The following PKP2 variants were observed in gnomAD, a reference collection of about 807,000 sequenced individuals.
PKP2 encodes plakophilin 2.
PKP2 carries 73 observed loss-of-function variants against 83.4 expected under a neutral mutation model. The ratio of observed to expected loss-of-function variants is 0.88; its 90% CI spans 0.72 to 1.06. The LOEUF is 1.06. Ranked by LOEUF, PKP2 falls within the 50% of genes least tolerant of loss-of-function variation. The pLI, the probability that PKP2 is intolerant of heterozygous loss-of-function variation, is 0.00. For synonymous variants in PKP2, 409 were observed against 430.4 expected (o/e 0.95, Z 0.62); for missense variants, 966 against 1,065.4 (o/e 0.91, Z 1.30).
chr12:32,800,188 C>T (rs1332754271), intron 10 of PKP2, among the ~76,000 whole-genome samples: 1 of 152,118 alleles, frequency 6.6e-6, no homozygotes, highest in African/African-American at 2.4e-5. Flanking sequence ...TTATTGTGTG[C>T]CTTCATCTGT....
At chr12:32,878,648 A>T in intron 2 of PKP2, 105 bp from the exon 3 acceptor site, 1 of 967,538 alleles carries the variant, frequency 1.0e-6, no homozygotes, top group East Asian at 2.4e-5. Flanking sequence ...GTTTCTCTGA[A>T]TCAGATGACG....
chr12:32,797,095 T>C (rs1956132912), intron 10 of PKP2, among the ~76,000 whole-genome samples: 1 of 151,868 alleles, frequency 6.6e-6, no homozygotes, highest in African/African-American at 2.4e-5. Context: ...AAAAAGAAAA[T>C]AATTATGTTA....
chr12:32,882,465 T>C (rs1956995209), intron 1 of PKP2, among the ~76,000 whole-genome samples: 1 of 152,208 alleles, frequency 6.6e-6, no homozygotes, highest in Admixed American at 6.5e-5. Context: ...GGCGTGCTTC[T>C]TCCATCTTTA....
At chr12:32,866,587 C>T (rs1021262594) in intron 4 of PKP2, among the ~76,000 whole-genome samples, 5 of 144,834 alleles carry the variant, frequency 3.5e-5, no homozygotes, top group Non-Finnish European at 6.0e-5. Flanking sequence ...AAAAGTTCAA[C>T]CCCTTTGTCA....
chr12:32,882,866 C>T lies in PKP2; in HGVS notation c.224-3834G>A, dbSNP rs528112258. On this transcript the variant is annotated intron_variant, in intron 1 of 12. Coordinates refer to ENST00000340811, the MANE Select transcript of PKP2 (RefSeq NM_001005242.3). ...AAATCAACCTGGGTTCCTCCTTTCC[C>T]CTGGTCTCTGCTGTCTGACTGCAAG... is the stretch of plus-strand genomic sequence containing the variant. Among the ~76,000 whole-genome samples the T allele has an allele frequency of 2.0e-5, 3 of 152,248 alleles. No homozygotes were observed. The East Asian group carries it at 5.8e-4, about 29-fold the overall frequency.
Position 32,791,590 on chromosome 12 carries a change from G to A in PKP2, c.*834C>T, listed in dbSNP as rs1209456958. The A allele has an allele frequency of 1.3e-5, 2 of 152,356 alleles. No homozygotes were observed. The highest frequency in any genetic ancestry group is 1.3e-4 in the Admixed American group (2 of 15,300). 9.4% of individuals were successfully genotyped at this position (152,356 alleles called of 1,614,324 possible). A position where few individuals can be genotyped will look rare whatever the true frequency, so the allele number is the denominator to read the frequency against. On this transcript the variant is annotated 3_prime_UTR_variant, in exon 13 of 13. Coordinates refer to ENST00000340811, the MANE Select transcript of PKP2 (RefSeq NM_001005242.3). ...GCATTACATAGAATGCCATCGTTTA[G>A]AAGAGATTTGGATTTAACGGCGTTG... is the stretch of plus-strand genomic sequence containing the variant.
At chr12:32,862,376 G>T (rs187377395) in intron 4 of PKP2, among the ~76,000 whole-genome samples, 1 of 152,188 alleles carries the variant, frequency 6.6e-6, no homozygotes, top group Non-Finnish European at 1.5e-5. Flanking sequence ...GCCAGGCATG[G>T]TGGCTCACAC....
rs1956116942 is a variant in PKP2, at chr12:32,795,997, T to G, written c.2357+112A>C. ...ATCTGGCCTGGCTTTACATCCTGTTTGCTGCCATGTTGCACATGATGGTCA... is the reference window on the plus strand; with the variant it reads ...ATCTGGCCTGGCTTTACATCCTGTTGGCTGCCATGTTGCACATGATGGTCA... On this transcript the variant is annotated intron_variant, in intron 11 of 12. Transcript: ENST00000340811. 7 of 967,562 alleles carry G rather than the reference T, an allele frequency of 7.2e-6. No homozygotes were observed. In the South Asian group the frequency reaches 9.2e-5, roughly 13 times the overall value. 59.9% of individuals were successfully genotyped at this position (967,562 alleles called of 1,614,324 possible).
chr12:32,838,496 T>A (rs1202048181), intron 6 of PKP2, among the ~76,000 whole-genome samples: 1 of 143,624 alleles, frequency 7.0e-6, no homozygotes, highest in African/African-American at 2.5e-5. Flanking sequence ...AAAAAAAAAA[T>A]TAACTCCTTA....
chr12:32,797,633 G>T (rs1956140002), intron 10 of PKP2, among the ~76,000 whole-genome samples: 2 of 147,472 alleles, frequency 1.4e-5, no homozygotes, highest in South Asian at 2.1e-4. Flanking sequence ...TCGGCTCTCT[G>T]CAAGCTCCGC....
chr12:32,870,414 ATAAAGGGTAT>A (rs1399042415), intron 3 of PKP2, among the ~76,000 whole-genome samples: 1 of 152,148 alleles, frequency 6.6e-6, no homozygotes, highest in African/African-American at 2.4e-5. Flanking sequence ...CCTCATAAGT[ATAAAGGGTAT>A]TAAAAGTGAA....
intron 6 of PKP2, among the ~76,000 whole-genome samples, chr12:32,825,974 T>C (rs1956436416): frequency 6.6e-6 from 1 of 152,128 alleles, no homozygotes. Flanking sequence ...TCAGTGCATA[T>C]TTGTCAAAGA....
intron 6 of PKP2, 194 bp from the exon 7 acceptor site, chr12:32,824,356 C>T (rs1956413477): frequency 3.4e-6 from 2 of 588,460 alleles, no homozygotes; most frequent in East Asian, 5.9e-5. Flanking sequence ...CTAAATATTT[C>T]CAAACAACAC....
In PKP2 at chr12:32,850,954, A is replaced by G; in HGVS notation, c.1190T>C (p.Ile397Thr). The G allele has an allele frequency of 6.2e-7, 1 of 1,614,150 alleles. No individual in the cohort carries two copies. The highest frequency in any genetic ancestry group is 1.3e-5 in the African/African-American group (1 of 75,058). The change falls in exon 5 of 13, where the codon ATC (isoleucine) becomes ACC (threonine). Residue 397 changes from isoleucine to threonine, a missense_variant. Physicochemically the swap from Ile to Thr is moderately conservative, Grantham distance 89 (BLOSUM62 -1). Transcript: ENST00000340811. ...ARKRVNQLRGILKLLQLLKVQ... is the reference protein window; with the variant it reads ...ARKRVNQLRGTLKLLQLLKVQ... ...TTTTAGGAGCTGCAGAAGCTTGAGG[A>G]TGCCACGAAGCTGGTTAACCTGGGG...
rs1186426962 is a variant in PKP2, at chr12:32,878,455, C to G, written c.425G>C (p.Arg142Thr). The change falls in exon 3 of 13, where the codon AGG becomes ACG. Residue 142 changes from arginine (R) to threonine (T), a missense_variant. Physicochemically the swap from Arg to Thr is moderately conservative, Grantham distance 71. Transcript: ENST00000340811. ...AATCTCCAGTCTCCTCAGAGGATGC[C>G]TCAAGGACCTTTCTTCCACGGACTT... ...SQKSVEERSL[R>T]HPLRRLEISP... 6.2e-7 allele frequency: 1 copy of G among 1,614,146 alleles called. No homozygotes were observed. Among genetic ancestry groups the G allele is most frequent in the Admixed American group, 1.7e-5 (1 of 60,018 alleles).
intron 9 of PKP2, among the ~76,000 whole-genome samples, chr12:32,811,915 AAG>A (rs995240041): frequency 4.6e-5 from 7 of 152,256 alleles, no homozygotes; most frequent in African/African-American, 1.4e-4. Context: ...CCACACAGCA[AAG>A]AGAGTAAGCA....
rs527291555 is a variant in PKP2 at position 32,805,148 on chromosome 12, G to GT, written c.2014-2593dup. On this transcript the variant is annotated intron_variant, in intron 9 of 12. Coordinates refer to ENST00000340811, the MANE Select transcript of PKP2 (RefSeq NM_001005242.3). ...CCTTTGTCCACTTTTTAATGGGGTT[G>GT]TTTTTTTTTTTGTCTTGTAAATTTG... is the stretch of plus-strand genomic sequence containing the variant. Among the ~76,000 whole-genome samples the GT allele has an allele frequency of 7.0e-3, 998 of 141,636 alleles. 4 individuals are homozygous for GT. Among genetic ancestry groups the GT allele is most frequent in the Non-Finnish European group, 8.3e-3 (535 of 64,246 alleles). The allele number at this position is 141,636 out of a possible 152,430, so 92.9% of individuals were successfully genotyped here. A position where few individuals can be genotyped will look rare whatever the true frequency, so the allele number is the denominator to read the frequency against.
Position 32,824,065 on chromosome 12 carries a change from C to G in PKP2, c.1654G>C (p.Asp552His). The change falls in exon 7 of 13, where the codon GAT becomes CAT. Residue 552 changes from aspartate (D) to histidine (H), a missense_variant. Physicochemically the swap from Asp to His is moderately conservative, Grantham distance 81. Transcript: ENST00000340811. ...ATTACCTTGTCATCTGGCTGGTAATCTGCAATGGTTCCTCTGACATAATGG... is the reference window on the plus strand; with the variant it reads ...ATTACCTTGTCATCTGGCTGGTAATGTGCAATGGTTCCTCTGACATAATGG... ...LVHYVRGTIADYQPDDKATEN... is the reference protein window; with the variant it reads ...LVHYVRGTIAHYQPDDKATEN... 6.3e-7 allele frequency: 1 copy of G among 1,595,952 alleles called. No individual in the cohort carries two copies.
chr12:32,806,615 C>G (rs1267200182), intron 9 of PKP2, among the ~76,000 whole-genome samples: 1 of 151,580 alleles, frequency 6.6e-6, no homozygotes, highest in African/African-American at 2.4e-5. Context: ...TTCTATTAGT[C>G]TAGCTAGTAG....
Sources: gnomAD v4.1 joint callset for allele counts (sites outside exome capture counted in the v4.1 genomes callset) on GRCh38, gnomAD v4.1.1 for gene constraint, MANE v1.5 for transcripts, NCBI Gene and HGNC (gene_info 2026-07-23, HGNC 2026-07-21) for gene names.